PKP1: variants seen among roughly 807,000 people sequenced by gnomAD.
PKP1 encodes the protein plakophilin-1.
PKP1 carries 27 observed loss-of-function variants against 76.4 expected under a neutral mutation model. The ratio of observed to expected loss-of-function variants is 0.35; its 90% CI spans 0.26 to 0.49. PKP1 has a LOEUF of 0.49. Ranked by LOEUF, PKP1 falls within the 20% of genes least tolerant of loss-of-function variation. The pLI is 0.99. For missense variants in PKP1, 964 were observed against 955.2 expected, an observed-to-expected ratio of 1.01 and a Z score of -0.12; for synonymous variants, 404 against 384.2, an observed-to-expected ratio of 1.05 and a Z score of -0.60.
intron 2 of PKP1, among the ~76,000 whole-genome samples, chr1:201,299,074 G>A (rs77450979): frequency 0.014 from 2,143 of 152,328 alleles, 37 homozygotes; most frequent in African/African-American, 0.049. Context: ...CAGAGGGGCT[G>A]CCGGGGAGAA....
chr1:201,284,560 C>T (rs1462318836), intron 1 of PKP1, among the ~76,000 whole-genome samples: 1 of 152,196 alleles, frequency 6.6e-6, no homozygotes, highest in Non-Finnish European at 1.5e-5. Flanking sequence ...GCCTGGAACT[C>T]CAGGGCACTT....
At chr1:201,317,278 T>C (rs1656780322) in intron 4 of PKP1, among the ~76,000 whole-genome samples, 1 of 152,172 alleles carries the variant, frequency 6.6e-6, no homozygotes, top group African/African-American at 2.4e-5. Flanking sequence ...GTCCTCACCA[T>C]CATTCTCCAG....
chr1:201,331,925 G>A lies in PKP1; in HGVS notation c.*1884G>A, dbSNP rs17425876. On this transcript the variant is annotated 3_prime_UTR_variant, in exon 14 of 14. Coordinates refer to ENST00000367324, the MANE Select transcript of PKP1 (RefSeq NM_001005337.3). ...ACTGTCCTGGGCATAGGTTTCAGGGGCCTCCTTTGTTGTCATCAGAACCCA... is the reference window on the plus strand; with the variant it reads ...ACTGTCCTGGGCATAGGTTTCAGGGACCTCCTTTGTTGTCATCAGAACCCA... 22,067 of 152,316 alleles carry A rather than the reference G, an allele frequency of 0.14. 1,746 individuals carry two copies. The highest frequency in any genetic ancestry group is 0.18 in the Non-Finnish European group (11,925 of 68,094). 9.4% of individuals were successfully genotyped at this position (152,316 alleles called of 1,614,324 possible).
chr1:201,312,605 C>T (rs868176270), intron 2 of PKP1, among the ~76,000 whole-genome samples: 5 of 152,164 alleles, frequency 3.3e-5, no homozygotes, highest in African/African-American at 1.2e-4. Context: ...AAACACTGCA[C>T]CATTCGTCAT....
intron 1 of PKP1, among the ~76,000 whole-genome samples, chr1:201,293,143 C>T (rs962524905): frequency 1.3e-5 from 2 of 152,176 alleles, no homozygotes; most frequent in African/African-American, 2.4e-5. Flanking sequence ...GACAGCAGGA[C>T]AGTGAACAGA....
chr1:201,318,411 C>T (rs945284960), intron 5 of PKP1, among the ~76,000 whole-genome samples: 2 of 152,202 alleles, frequency 1.3e-5, no homozygotes, highest in African/African-American at 4.8e-5. Flanking sequence ...TGAGATGTTC[C>T]CTGCCTGCAA....
chr1:201,324,173 T>TGAGTAGGG (rs949664020), intron 9 of PKP1, among the ~76,000 whole-genome samples: 4 of 152,168 alleles, frequency 2.6e-5, no homozygotes, highest in African/African-American at 9.7e-5. Context: ...TGGGTCACTA[T>TGAGTAGGG]GAGTAGGGGA....
chr1:201,329,758 A>G (rs1657261079), intron 13 of PKP1, among the ~76,000 whole-genome samples: 1 of 152,248 alleles, frequency 6.6e-6, no homozygotes, highest in Admixed American at 6.5e-5. Context: ...ATCCTCTCCT[A>G]GTAAACAAGC....
chr1:201,321,235 G>A (rs1656930135), intron 7 of PKP1, among the ~76,000 whole-genome samples: 1 of 152,194 alleles, frequency 6.6e-6, no homozygotes, highest in African/African-American at 2.4e-5. Flanking sequence ...AGGGCAAGAT[G>A]CTTTTCTGCT....
chr1:201,313,357 C>G lies in PKP1; in HGVS notation c.498C>G (p.Thr166=), dbSNP rs1267739099. The G allele has an allele frequency of 1.9e-6, 3 of 1,584,316 alleles. No individual in the cohort carries two copies. Among genetic ancestry groups the G allele is most frequent in the East Asian group, 4.6e-5 (2 of 43,668 alleles). ...EPDLYCDPRG[T]LRKGTLGSKG... ...ACCTCTACTGTGACCCACGGGGCAC[C>G]CTGCGCAAGGGCACGCTGGGCAGCA... The change falls in exon 3 of 14, where the codon ACC becomes ACG. Residue 166 remains threonine (T), a synonymous_variant. Coordinates refer to ENST00000367324, the MANE Select transcript of PKP1 (RefSeq NM_001005337.3).
At chr1:201,321,727 C>T (rs1290852279) in intron 7 of PKP1, among the ~76,000 whole-genome samples, 6 of 152,200 alleles carry the variant, frequency 3.9e-5, no homozygotes, top group Non-Finnish European at 7.3e-5. Context: ...TCTCATTTTA[C>T]ATTTGAGATA....
chr1:201,308,532 G>T (rs1656434730), intron 2 of PKP1, among the ~76,000 whole-genome samples: 1 of 152,202 alleles, frequency 6.6e-6, no homozygotes. Context: ...GACAGGGCTG[G>T]GTTAGAACAG....
intron 2 of PKP1, among the ~76,000 whole-genome samples, chr1:201,302,416 G>A (rs908832382): frequency 2.0e-5 from 3 of 152,238 alleles, no homozygotes; most frequent in South Asian, 4.1e-4. Context: ...GCCAAGTTTC[G>A]AAGCCAGCAA....
At chr1:201,291,546 G>T (rs1229319311) in intron 1 of PKP1, among the ~76,000 whole-genome samples, 1 of 152,186 alleles carries the variant, frequency 6.6e-6, no homozygotes, top group African/African-American at 2.4e-5. Flanking sequence ...GCAGCATCAT[G>T]CTGACAGGTT....
chr1:201,322,272 C>T (rs2102183144), intron 8 of PKP1, 139 bp downstream of exon 8: 1 of 908,226 alleles, frequency 1.1e-6, no homozygotes, highest in Non-Finnish European at 1.7e-6. Context: ...ACACCTTGGC[C>T]TGGGGCTCAG....
chr1:201,296,396 C>T (rs534776533), intron 2 of PKP1, among the ~76,000 whole-genome samples: 3 of 152,072 alleles, frequency 2.0e-5, no homozygotes, highest in Non-Finnish European at 2.9e-5. Context: ...TGGCACAGGA[C>T]GATGTTATTC....
intron 6 of PKP1, chr1:201,319,824 T>C: frequency 6.2e-7 from 1 of 1,613,958 alleles, no homozygotes; most frequent in Non-Finnish European, 8.5e-7. Context: ...AGAAAGAGAC[T>C]GGGCATGCGG....
In PKP1 at chr1:201,320,271, C is replaced by G. The variant is rs370631788; in HGVS notation, c.1237C>G (p.Leu413Val). Residue 413 changes from leucine to valine, a missense_variant, in exon 7 of 14, where the codon CTG becomes GTG. Physicochemically the swap from Leu to Val is conservative, Grantham distance 32. Coordinates refer to ENST00000367324, the MANE Select transcript of PKP1 (RefSeq NM_001005337.3). ...FFNATGCLRN[L>V]SSADAGRQTM... ...CCACCCTCTTCTCTCCCCCAGGAAC[C>G]TGAGCTCGGCCGATGCAGGCCGCCA... 6.2e-7 allele frequency: 1 copy of G among 1,611,244 alleles called. No homozygotes were observed. The highest frequency in any genetic ancestry group is 8.5e-7 in the Non-Finnish European group (1 of 1,177,448).
intron 2 of PKP1, among the ~76,000 whole-genome samples, chr1:201,311,677 T>TAC (rs1656555904): frequency 7.1e-6 from 1 of 141,486 alleles, no homozygotes; most frequent in Non-Finnish European, 1.6e-5. Flanking sequence ...CGACCTCCCC[T>TAC]ACACACACAT....
Sources: allele counts gnomAD v4.1 joint callset (sites outside exome capture counted in the v4.1 genomes callset), GRCh38; gene constraint gnomAD v4.1.1; transcripts MANE v1.5; gene names NCBI Gene and HGNC (gene_info 2026-07-23, HGNC 2026-07-21).